Variants in ATRNL1 observed in about 807,000 individuals in gnomAD.
ATRNL1 encodes the protein attractin-like protein 1.
ATRNL1 carries 95 observed loss-of-function variants against 182.7 expected under a neutral mutation model. That is an observed-to-expected ratio of 0.52 (90% CI 0.44 to 0.62). The LOEUF is 0.62. Among genes scored for constraint, ATRNL1 ranks in the 20% least tolerant of loss-of-function variants. ATRNL1 has a pLI of 0.00. For missense variants in ATRNL1, 1,471 were observed against 1,679.5 expected, an observed-to-expected ratio of 0.88 and a Z score of 2.17; for synonymous variants, 576 against 568.3, an observed-to-expected ratio of 1.01 and a Z score of -0.19.
intron 27 of ATRNL1, among the ~76,000 whole-genome samples, chr10:115,785,395 A>G (rs72826895): frequency 2.0e-5 from 3 of 152,220 alleles, no homozygotes; most frequent in Non-Finnish European, 2.9e-5. Context: ...CCGTGGCTCC[A>G]CCCTTAGAGT....
chr10:115,388,572 A>C (rs1843792895), intron 19 of ATRNL1, among the ~76,000 whole-genome samples: 1 of 151,904 alleles, frequency 6.6e-6, no homozygotes, highest in Non-Finnish European at 1.5e-5. Flanking sequence ...GTTGTGCTTT[A>C]TGAGACAAAA....
At chr10:115,415,761 G>C (rs534417971) in intron 20 of ATRNL1, among the ~76,000 whole-genome samples, 47 of 151,932 alleles carry the variant, frequency 3.1e-4, no homozygotes, top group Non-Finnish European at 1.3e-4. Flanking sequence ...GATTGGATCT[G>C]ATTTGATAGT....
At chr10:115,633,067 A>ATTTTG (rs1348813683) in intron 26 of ATRNL1, among the ~76,000 whole-genome samples, 1 of 151,214 alleles carries the variant, frequency 6.6e-6, no homozygotes, top group African/African-American at 2.4e-5. Flanking sequence ...TAATTTTTGT[A>ATTTTG]TTTTGTTTTG....
At chr10:115,729,671 GTGA>G (rs1200442745) in intron 27 of ATRNL1, among the ~76,000 whole-genome samples, 2 of 151,804 alleles carry the variant, frequency 1.3e-5, no homozygotes, top group Non-Finnish European at 2.9e-5. Flanking sequence ...AAGATTCATA[GTGA>G]TTTTTCCCTA....
In ATRNL1 at chr10:115,947,447, T is replaced by C. The variant is rs576587921; in HGVS notation, c.*2668T>C. On this transcript the variant is annotated 3_prime_UTR_variant, in exon 29 of 29. Transcript: ENST00000355044. ...ATGAAAAAAAAATGGTTAAATACAA[T>C]GGAGTTTTAAAAATTAACCTGGGGA... 46 of 152,710 alleles carry C rather than the reference T, an allele frequency of 3.0e-4. No homozygotes were observed. Among genetic ancestry groups the C allele is most frequent in the African/African-American group, 1.1e-3 (45 of 41,548 alleles). 9.5% of individuals were successfully genotyped at this position (152,710 alleles called of 1,614,324 possible). A position where few individuals can be genotyped will look rare whatever the true frequency, so the allele number is the denominator to read the frequency against.
At chr10:115,855,673 A>G (rs1209282719) in intron 28 of ATRNL1, among the ~76,000 whole-genome samples, 1 of 152,182 alleles carries the variant, frequency 6.6e-6, no homozygotes, top group Non-Finnish European at 1.5e-5. Flanking sequence ...CAAGCCCATA[A>G]CCTCGATAGA....
At chr10:115,817,337 G>A (rs1950188168) in intron 27 of ATRNL1, among the ~76,000 whole-genome samples, 1 of 151,940 alleles carries the variant, frequency 6.6e-6, no homozygotes, top group Non-Finnish European at 1.5e-5. Flanking sequence ...TAATAAACAT[G>A]GATTACATTC....
chr10:115,173,571 T>C (rs183198317), intron 8 of ATRNL1, among the ~76,000 whole-genome samples: 73 of 152,088 alleles, frequency 4.8e-4, no homozygotes, highest in African/African-American at 1.7e-3. Flanking sequence ...GGAAGTAAAA[T>C]TTTAAAGTGT....
chr10:115,323,186 T>G (rs1228239954), intron 18 of ATRNL1, among the ~76,000 whole-genome samples: 2 of 152,176 alleles, frequency 1.3e-5, no homozygotes, highest in Non-Finnish European at 2.9e-5. Context: ...CCATTCCTAG[T>G]TCTCTCTGTA....
chr10:115,096,446 C>G (rs1335128022), intron 1 of ATRNL1, among the ~76,000 whole-genome samples: 2 of 152,080 alleles, frequency 1.3e-5, no homozygotes, highest in African/African-American at 4.8e-5. Flanking sequence ...CTTGTTTTAC[C>G]TGGCATTTGA....
At chr10:115,528,434 A>G (rs1851374311) in intron 25 of ATRNL1, among the ~76,000 whole-genome samples, 1 of 152,020 alleles carries the variant, frequency 6.6e-6, no homozygotes, top group African/African-American at 2.4e-5. Flanking sequence ...GTACTCTCCT[A>G]TAATCATTTT....
At chr10:115,340,520 A>G (rs1307771073) in intron 19 of ATRNL1, among the ~76,000 whole-genome samples, 3 of 107,582 alleles carry the variant, frequency 2.8e-5, no homozygotes, top group Non-Finnish European at 5.4e-5. Flanking sequence ...TGGTTTTAAT[A>G]TCAGGGTAAT....
chr10:115,535,193 T>A (rs1228766120), intron 25 of ATRNL1, among the ~76,000 whole-genome samples: 1 of 152,164 alleles, frequency 6.6e-6, no homozygotes. Context: ...GATAATATCC[T>A]GCAGAGTGTT....
intron 26 of ATRNL1, among the ~76,000 whole-genome samples, chr10:115,584,513 C>T (rs1454853956): frequency 1.4e-5 from 2 of 140,504 alleles, no homozygotes; most frequent in East Asian, 2.3e-4. Flanking sequence ...TCCATTTCTT[C>T]TAGATTTTCT....
intron 21 of ATRNL1, among the ~76,000 whole-genome samples, chr10:115,455,821 C>T (rs980579832): frequency 1.3e-5 from 2 of 152,014 alleles, no homozygotes; most frequent in African/African-American, 4.8e-5. Flanking sequence ...AAAAAGTGGG[C>T]AAAGGATATG....
intron 28 of ATRNL1, among the ~76,000 whole-genome samples, chr10:115,890,252 A>T (rs1555110840): frequency 6.6e-6 from 1 of 152,182 alleles, no homozygotes; most frequent in East Asian, 1.9e-4. Flanking sequence ...AGTCTGTGTG[A>T]TGTTAAGAAT....
intron 13 of ATRNL1, among the ~76,000 whole-genome samples, chr10:115,269,471 A>AT (rs1265038281): frequency 1.3e-5 from 2 of 152,034 alleles, no homozygotes; most frequent in African/African-American, 4.8e-5. Context: ...AGTAGCTGGG[A>AT]TTATAGGCAG....
intron 27 of ATRNL1, among the ~76,000 whole-genome samples, chr10:115,804,667 A>C (rs1555085229): frequency 6.6e-6 from 1 of 152,198 alleles, no homozygotes; most frequent in Admixed American, 6.5e-5. Flanking sequence ...ACGGAGACAC[A>C]TGCGTACCAC....
intron 8 of ATRNL1, among the ~76,000 whole-genome samples, chr10:115,212,522 A>T (rs1192963294): frequency 6.6e-6 from 1 of 152,022 alleles, no homozygotes; most frequent in African/African-American, 2.4e-5. Context: ...ATATATTAAT[A>T]AATTATTCTA....
Sources: allele counts gnomAD v4.1 joint callset (sites outside exome capture counted in the v4.1 genomes callset), GRCh38; gene constraint gnomAD v4.1.1; transcripts MANE v1.5; gene names NCBI Gene and HGNC (gene_info 2026-07-23, HGNC 2026-07-21).